GSG1L: variants seen among roughly 807,000 people sequenced by gnomAD.
GSG1L encodes germ cell-specific gene 1-like protein.
A neutral mutation model predicts 42.1 loss-of-function variants in GSG1L; 24 were observed. The observed-to-expected ratio is 0.57, with a 90% confidence interval of 0.41 to 0.80. GSG1L has a LOEUF of 0.80. Ranked by LOEUF, GSG1L falls within the 30% of genes least tolerant of loss-of-function variation. GSG1L has a pLI of 0.00. For synonymous variants in GSG1L, 215 were observed against 203.5 expected (o/e 1.06, Z -0.48); for missense variants, 445 against 472.2 (o/e 0.94, Z 0.53).
At chr16:27,920,507 T>C (rs1461350524) in intron 2 of GSG1L, among the ~76,000 whole-genome samples, 1 of 152,218 alleles carries the variant, frequency 6.6e-6, no homozygotes, top group Non-Finnish European at 1.5e-5. Flanking sequence ...CTCTCTTTTA[T>C]CATCTTCCCT....
At chr16:27,855,341 C>T (rs1384307637) in intron 3 of GSG1L, among the ~76,000 whole-genome samples, 3 of 152,182 alleles carry the variant, frequency 2.0e-5, no homozygotes, top group Non-Finnish European at 4.4e-5. Flanking sequence ...GAGTCCACAT[C>T]TCTTTTTGGC....
At chr16:28,015,591 G>C (rs1021640439) in intron 1 of GSG1L, among the ~76,000 whole-genome samples, 2 of 152,160 alleles carry the variant, frequency 1.3e-5, no homozygotes, top group African/African-American at 4.8e-5. Context: ...ACTCTTAGAG[G>C]ACACAGTCTA....
intron 1 of GSG1L, among the ~76,000 whole-genome samples, chr16:28,039,672 CGTATGCACACAT>C (rs1456209238): frequency 6.6e-6 from 1 of 151,674 alleles, no homozygotes; most frequent in East Asian, 1.9e-4. Flanking sequence ...CATGCACACA[CGTATGCACACAT>C]GCACGCGCAC....
In GSG1L at chr16:28,039,627, G is replaced by A. The variant is rs956734971; in HGVS notation, c.349+23449C>T. ...TGCACACACACACACAAGCAGACAT[G>A]TACGTGCGTGCACACACATGCACAC... is the stretch of plus-strand genomic sequence containing the variant. On this transcript the variant is annotated intron_variant, in intron 1 of 6. Transcript: ENST00000447459. 2.7e-5 allele frequency among the ~76,000 whole-genome samples: 4 copies of A among 149,598 alleles called. No homozygotes were observed. The East Asian group carries it at 7.9e-4, about 30-fold the overall frequency.
chr16:27,847,738 G>A (rs954657754), intron 3 of GSG1L, among the ~76,000 whole-genome samples: 17 of 152,208 alleles, frequency 1.1e-4, no homozygotes, highest in African/African-American at 2.9e-4. Flanking sequence ...GAGTTCTCAC[G>A]AGAGAGCTGG....
At chr16:27,908,120 C>G (rs1179596162) in intron 2 of GSG1L, among the ~76,000 whole-genome samples, 1 of 152,250 alleles carries the variant, frequency 6.6e-6, no homozygotes, top group African/African-American at 2.4e-5. Flanking sequence ...GGATGAGACA[C>G]AAGCACATTG....
intron 1 of GSG1L, among the ~76,000 whole-genome samples, chr16:28,000,585 G>C (rs559608611): frequency 1.3e-5 from 2 of 152,102 alleles, no homozygotes; most frequent in Non-Finnish European, 2.9e-5. Context: ...CTCCAGACTG[G>C]TGCAAGAGGG....
chr16:27,922,710 T>G (rs1042629896), intron 2 of GSG1L, among the ~76,000 whole-genome samples: 1 of 152,196 alleles, frequency 6.6e-6, no homozygotes, highest in African/African-American at 2.4e-5. Flanking sequence ...CAGCCTTCTT[T>G]CCAAACACAG....
chr16:27,971,484 T>C (rs981345390), intron 1 of GSG1L, among the ~76,000 whole-genome samples: 7 of 152,224 alleles, frequency 4.6e-5, no homozygotes, highest in Non-Finnish European at 1.0e-4. Context: ...TTAAATTTTG[T>C]ATATTGATCT....
intron 3 of GSG1L, among the ~76,000 whole-genome samples, chr16:27,857,436 A>G (rs1350310283): frequency 4.6e-5 from 7 of 151,220 alleles, no homozygotes; most frequent in African/African-American, 1.7e-4. Context: ...TCAAAAAAAA[A>G]AAAAAAGAAA....
At chr16:27,923,694 A>G (rs12922023) in intron 2 of GSG1L, among the ~76,000 whole-genome samples, 1 of 149,636 alleles carries the variant, frequency 6.7e-6, no homozygotes, top group African/African-American at 2.5e-5. Flanking sequence ...AGATTGAGCC[A>G]CTGCACTCCA....
At chr16:27,886,995 AC>A (rs1188516365) in intron 2 of GSG1L, among the ~76,000 whole-genome samples, 1 of 150,952 alleles carries the variant, frequency 6.6e-6, no homozygotes, top group Non-Finnish European at 1.5e-5. Flanking sequence ...TCACTCTGTC[AC>A]CCAGGCTGCA....
chr16:27,957,917 G>A (rs1485763354), intron 2 of GSG1L, among the ~76,000 whole-genome samples: 1 of 152,000 alleles, frequency 6.6e-6, no homozygotes, highest in East Asian at 1.9e-4. Context: ...AGGAGAGGAG[G>A]TGCTAGGCTC....
At chr16:28,026,939 G>A (rs765335434) in intron 1 of GSG1L, among the ~76,000 whole-genome samples, 39 of 152,174 alleles carry the variant, frequency 2.6e-4, no homozygotes, top group African/African-American at 3.9e-4. Flanking sequence ...AAAATTAGCC[G>A]GGCATGGTGG....
At chr16:27,928,817 T>C (rs1314658752) in intron 2 of GSG1L, among the ~76,000 whole-genome samples, 1 of 152,228 alleles carries the variant, frequency 6.6e-6, no homozygotes, top group Non-Finnish European at 1.5e-5. Context: ...GCGCTCCACT[T>C]AATGCCAGCC....
intron 2 of GSG1L, among the ~76,000 whole-genome samples, chr16:27,888,924 T>TTAGATAGATATAGATA (rs1197474233): frequency 1.6e-4 from 13 of 80,112 alleles, no homozygotes; most frequent in Non-Finnish European, 2.8e-4. Flanking sequence ...TGGCTTGTGC[T>TTAGATAGATATAGATA]TAGATAGATA....
chr16:27,902,794 C>A (rs184964098), intron 2 of GSG1L, among the ~76,000 whole-genome samples: 2 of 152,144 alleles, frequency 1.3e-5, no homozygotes, highest in Non-Finnish European at 2.9e-5. Flanking sequence ...AAACGATGTC[C>A]GCCTTAAGGG....
At chr16:27,967,998 A>G (rs1309710047) in intron 1 of GSG1L, among the ~76,000 whole-genome samples, 1 of 152,116 alleles carries the variant, frequency 6.6e-6, no homozygotes, top group Non-Finnish European at 1.5e-5. Flanking sequence ...CTGTACTGTT[A>G]TATTGCTGGA....
rs151046822 is a variant in GSG1L at position 28,031,830 on chromosome 16, G to A, written c.349+31246C>T. 4.3e-4 allele frequency among the ~76,000 whole-genome samples: 65 copies of A among 152,354 alleles called. No individual in the cohort carries two copies. The East Asian group carries it at 6.9e-3, about 16-fold the overall frequency. On this transcript the variant is annotated intron_variant, in intron 1 of 6. Transcript: ENST00000447459. ...TCACTTTCTGAATGTGCGTAGAGCT[G>A]TTTCTGACAGACGAACCTCCATGCC...
Sources: gnomAD v4.1 joint callset for allele counts (sites outside exome capture counted in the v4.1 genomes callset) on GRCh38, gnomAD v4.1.1 for gene constraint, MANE v1.5 for transcripts, NCBI Gene and HGNC (gene_info 2026-07-23, HGNC 2026-07-21) for gene names.